The following ADGRA3 variants were observed in gnomAD, a reference collection of about 807,000 sequenced individuals.
The protein encoded by ADGRA3 is G-protein coupled receptor 125.
A neutral mutation model predicts 119.8 loss-of-function variants in ADGRA3; 56 were observed. The ratio of observed to expected loss-of-function variants is 0.47; its 90% confidence interval spans 0.38 to 0.58. The LOEUF is 0.58. Among genes scored for constraint, ADGRA3 ranks in the 20% least tolerant of loss-of-function variants. The pLI is 0.00. For missense variants in ADGRA3, 1,516 were observed against 1,649.0 expected (o/e 0.92, Z 1.40); for synonymous variants, 607 against 623.8 (o/e 0.97, Z 0.40).
At position 22,387,888 on chromosome 4, in the gene ADGRA3, A is replaced by G; in HGVS notation, c.3783T>C (p.Ser1261=). ...RNFEKPVSTT[S]KKDALRKPAV... ...CTGGCTTCCTTAACGCATCTTTTTT[A>G]CTAGTGGTTGAAACTGGCTTTTCAA... The change falls in exon 19 of 19, where the codon AGT becomes AGC. Residue 1261 remains serine, a synonymous_variant. Transcript: ENST00000334304. 2.5e-6 allele frequency: 4 copies of G among 1,613,996 alleles called. No individual in the cohort carries two copies. The highest frequency in any genetic ancestry group is 3.4e-6 in the Non-Finnish European group (4 of 1,179,968).
At chr4:22,456,587 A>G (rs1307396341) in intron 3 of ADGRA3, among the ~76,000 whole-genome samples, 1 of 152,126 alleles carries the variant, frequency 6.6e-6, no homozygotes, top group African/African-American at 2.4e-5. Context: ...GGGGACTGCA[A>G]GGTCAGCTTC....
chr4:22,408,141 C>G (rs1217523046), intron 14 of ADGRA3, among the ~76,000 whole-genome samples: 2 of 151,906 alleles, frequency 1.3e-5, no homozygotes, highest in Non-Finnish European at 2.9e-5. Flanking sequence ...CTCACATCAT[C>G]AACAAAAAAT....
intron 4 of ADGRA3, among the ~76,000 whole-genome samples, chr4:22,450,480 G>A (rs1186012016): frequency 6.6e-6 from 1 of 152,070 alleles, no homozygotes; most frequent in Non-Finnish European, 1.5e-5. Flanking sequence ...TAGCCAGGCT[G>A]GTCTCGAACT....
intron 16 of ADGRA3, among the ~76,000 whole-genome samples, chr4:22,400,509 G>C (rs1236745438): frequency 6.6e-6 from 1 of 152,082 alleles, no homozygotes; most frequent in African/African-American, 2.4e-5. Flanking sequence ...TAGAAGCCAA[G>C]AAGAAAATGG....
At chr4:22,448,126 A>C (rs1716895391) in intron 4 of ADGRA3, among the ~76,000 whole-genome samples, 1 of 152,176 alleles carries the variant, frequency 6.6e-6, no homozygotes, top group Non-Finnish European at 1.5e-5. Context: ...GGAACTCAGA[A>C]ACCCCTATTC....
Position 22,413,162 on chromosome 4 carries a change from A to G in ADGRA3, c.2232+20T>C. The G allele has an allele frequency of 1.3e-6, 2 of 1,562,568 alleles. No individual in the cohort carries two copies. The highest frequency in any genetic ancestry group is 1.8e-6 in the Non-Finnish European group (2 of 1,133,102). On this transcript the variant is annotated intron_variant, in intron 14 of 18. Transcript: ENST00000334304. ...AAAATGTAGAATAGTGTTTATGCAT[A>G]AAGTTAACAACTGCCATACCATTAA... is the stretch of plus-strand genomic sequence containing the variant.
chr4:22,458,854 GAGAA>G (rs1386645649), intron 3 of ADGRA3, among the ~76,000 whole-genome samples: 3 of 152,180 alleles, frequency 2.0e-5, no homozygotes, highest in Non-Finnish European at 2.9e-5. Flanking sequence ...ATGGGCAGAA[GAGAA>G]GAAAACTGAT....
intron 4 of ADGRA3, among the ~76,000 whole-genome samples, chr4:22,451,849 A>T (rs1311817684): frequency 6.6e-6 from 1 of 152,212 alleles, no homozygotes; most frequent in Non-Finnish European, 1.5e-5. Context: ...AAGATCTCTG[A>T]TTCCTAATCT....
chr4:22,461,249 A>C (rs756523209), intron 3 of ADGRA3, among the ~76,000 whole-genome samples: 2 of 152,248 alleles, frequency 1.3e-5, no homozygotes, highest in Non-Finnish European at 2.9e-5. Flanking sequence ...ACCACCAAAC[A>C]AATCAAACCA....
intron 16 of ADGRA3, among the ~76,000 whole-genome samples, chr4:22,397,175 C>CTTTTTTTTTT (rs56918685): frequency 2.1e-5 from 2 of 93,234 alleles, no homozygotes; most frequent in African/African-American, 4.1e-5. Flanking sequence ...TACTGTAATT[C>CTTTTTTTTTT]TTTTTTTTTT....
At chr4:22,408,756 A>G (rs1471338619) in intron 14 of ADGRA3, among the ~76,000 whole-genome samples, 1 of 152,216 alleles carries the variant, frequency 6.6e-6, no homozygotes, top group Non-Finnish European at 1.5e-5. Context: ...AAACACATGG[A>G]AAGCCTACAA....
In ADGRA3 at chr4:22,498,611, C is replaced by T. The variant is rs112882262; in HGVS notation, c.257+16917G>A. Reference sequence around the variant, plus strand: ...CCAGCCTAAGCAATGAGCCACACACCGTCCCAAAAAAGAAAAAAGGAGGGC... The same window carrying T: ...CCAGCCTAAGCAATGAGCCACACACTGTCCCAAAAAAGAAAAAAGGAGGGC... On this transcript the variant is annotated intron_variant, in intron 1 of 18. Transcript: ENST00000334304. Among the ~76,000 whole-genome samples, 6 of 147,672 alleles carry T rather than the reference C, an allele frequency of 4.1e-5. No individual in the cohort carries two copies. In the South Asian group the frequency reaches 6.5e-4, roughly 16 times the overall value.
intron 12 of ADGRA3, among the ~76,000 whole-genome samples, chr4:22,416,661 G>C (rs1349880419): frequency 6.6e-6 from 1 of 152,136 alleles, no homozygotes; most frequent in Admixed American, 6.6e-5. Flanking sequence ...GAGAGGAAAT[G>C]CCTTAACTAA....
At chr4:22,416,693 C>A (rs528711565) in intron 12 of ADGRA3, among the ~76,000 whole-genome samples, 1 of 152,068 alleles carries the variant, frequency 6.6e-6, no homozygotes, top group African/African-American at 2.4e-5. Context: ...TAATCTAGAA[C>A]GTCATCATGT....
At chr4:22,424,648 AT>A (rs1715859092) in intron 10 of ADGRA3, among the ~76,000 whole-genome samples, 1 of 152,244 alleles carries the variant, frequency 6.6e-6, no homozygotes, top group African/African-American at 2.4e-5. Flanking sequence ...AATTAGATTA[AT>A]TAAAGAGAAG....
intron 3 of ADGRA3, among the ~76,000 whole-genome samples, chr4:22,461,247 A>G (rs536343025): frequency 1.4e-4 from 22 of 152,346 alleles, no homozygotes; most frequent in African/African-American, 5.1e-4. Context: ...CCACCACCAA[A>G]CAAATCAAAC....
intron 2 of ADGRA3, among the ~76,000 whole-genome samples, chr4:22,471,411 T>C (rs746115177): frequency 1.3e-5 from 2 of 152,084 alleles, no homozygotes; most frequent in African/African-American, 2.4e-5. Context: ...CAAACCCTCA[T>C]GACACGTAAC....
intron 8 of ADGRA3, among the ~76,000 whole-genome samples, chr4:22,437,736 C>A (rs1355517301): frequency 6.6e-6 from 1 of 152,122 alleles, no homozygotes; most frequent in Non-Finnish European, 1.5e-5. Context: ...TCAGGCTACC[C>A]AACAGCTTTC....
At chr4:22,452,530 A>G (rs1053187150) in intron 4 of ADGRA3, among the ~76,000 whole-genome samples, 6 of 152,194 alleles carry the variant, frequency 3.9e-5, no homozygotes, top group African/African-American at 1.4e-4. Flanking sequence ...TACTTGGATG[A>G]TGTTCATTGT....
Sources: allele counts gnomAD v4.1 joint callset (sites outside exome capture counted in the v4.1 genomes callset), GRCh38; gene constraint gnomAD v4.1.1; transcripts MANE v1.5; gene names NCBI Gene and HGNC (gene_info 2026-07-23, HGNC 2026-07-21).